Variants in EMCN observed in about 807,000 individuals in gnomAD.
The protein encoded by EMCN is MUC-14.
In EMCN, 37 loss-of-function variants were observed where a neutral mutation model predicts 38.4. The observed-to-expected ratio is 0.96, with a 90% CI of 0.74 to 1.27. The LOEUF is 1.27. EMCN is among the 50% of genes most tolerant of loss of function. EMCN has a pLI of 0.00. For synonymous variants in EMCN, 95 were observed against 100.8 expected (o/e 0.94, Z 0.35); for missense variants, 318 against 302.8 (o/e 1.05, Z -0.37).
intron 10 of EMCN, among the ~76,000 whole-genome samples, chr4:100,414,348 CTTTTTTTTTTT>C (rs5860622): frequency 1.2e-4 from 7 of 59,806 alleles, no homozygotes; most frequent in Non-Finnish European, 2.0e-4. Flanking sequence ...TGCTTGAGCA[CTTTTTTTTTTT>C]TTTTTTTTTT....
Position 100,500,734 on chromosome 4 carries a change from A to G in EMCN, c.64+17117T>C, listed in dbSNP as rs528781197. Among the ~76,000 whole-genome samples, 44 of 152,226 alleles carry G rather than the reference A, an allele frequency of 2.9e-4. No individual in the cohort carries two copies. In the South Asian group the frequency reaches 8.7e-3, roughly 30 times the overall value. ...TATAGCTATAGTCATTGTCACTGGTATATACAATACATTGAACAAATAAAG... is the reference window on the plus strand; with the variant it reads ...TATAGCTATAGTCATTGTCACTGGTGTATACAATACATTGAACAAATAAAG... On this transcript the variant is annotated intron_variant, in intron 1 of 11. Coordinates refer to ENST00000296420, the MANE Select transcript of EMCN (RefSeq NM_016242.4).
At chr4:100,477,357 CT>C (rs1728689108) in intron 2 of EMCN, among the ~76,000 whole-genome samples, 1 of 140,002 alleles carries the variant, frequency 7.1e-6, no homozygotes, top group Non-Finnish European at 1.6e-5. Flanking sequence ...TAACTCCAGC[CT>C]TTTGGCCTTG....
intron 1 of EMCN, among the ~76,000 whole-genome samples, chr4:100,503,333 G>A (rs961519174): frequency 4.6e-5 from 7 of 151,950 alleles, no homozygotes; most frequent in African/African-American, 1.7e-4. Flanking sequence ...TTTGGCATAA[G>A]GCTTTGGCAT....
intron 5 of EMCN, among the ~76,000 whole-genome samples, chr4:100,436,525 G>A (rs1727357365): frequency 6.6e-6 from 1 of 152,086 alleles, no homozygotes; most frequent in Non-Finnish European, 1.5e-5. Flanking sequence ...ATACCCAAAG[G>A]AATATAAACC....
chr4:100,454,384 G>C (rs1417730860), intron 4 of EMCN, among the ~76,000 whole-genome samples: 1 of 151,966 alleles, frequency 6.6e-6, no homozygotes, highest in African/African-American at 2.4e-5. Context: ...GCACCCCTCA[G>C]TGACAACCAA....
chr4:100,410,975 G>A (rs770410084), intron 10 of EMCN, among the ~76,000 whole-genome samples: 49 of 152,226 alleles, frequency 3.2e-4, no homozygotes, highest in South Asian at 8.3e-4. Flanking sequence ...AATATATTTC[G>A]CATTACTTGT....
intron 5 of EMCN, among the ~76,000 whole-genome samples, chr4:100,436,289 T>G (rs1473929968): frequency 1.3e-5 from 2 of 152,096 alleles, no homozygotes; most frequent in Non-Finnish European, 2.9e-5. Context: ...ATTAGAGAAA[T>G]GCAAATCAAA....
chr4:100,416,140 C>A (rs1376680516), intron 9 of EMCN, among the ~76,000 whole-genome samples, 181 bp from the exon 10 acceptor site: 1 of 151,452 alleles, frequency 6.6e-6, no homozygotes, highest in Non-Finnish European at 1.5e-5. Flanking sequence ...ATCTCCATGG[C>A]AAGAACTTTG....
intron 11 of EMCN, among the ~76,000 whole-genome samples, chr4:100,407,509 G>T (rs1483343165): frequency 6.6e-6 from 1 of 152,132 alleles, no homozygotes; most frequent in African/African-American, 2.4e-5. Context: ...GAAATTCTTT[G>T]TTGGAATTTC....
At chr4:100,513,731 A>G (rs2110313558) in intron 1 of EMCN, among the ~76,000 whole-genome samples, 1 of 152,264 alleles carries the variant, frequency 6.6e-6, no homozygotes, top group Non-Finnish European at 1.5e-5. Flanking sequence ...ACTTGTCCAT[A>G]ACTTTTTCAT....
chr4:100,459,442 CTT>C (rs1330093195), intron 4 of EMCN, among the ~76,000 whole-genome samples: 1 of 152,044 alleles, frequency 6.6e-6, no homozygotes, highest in Non-Finnish European at 1.5e-5. Flanking sequence ...AATCTACTCT[CTT>C]AGTGATTTTC....
intron 5 of EMCN, among the ~76,000 whole-genome samples, chr4:100,442,630 C>T (rs144465919): frequency 2.1e-4 from 32 of 151,984 alleles, no homozygotes; most frequent in African/African-American, 7.2e-4. Flanking sequence ...CAGATTTTAT[C>T]TTCTGATTGA....
At chr4:100,480,730 G>T in intron 1 of EMCN, among the ~76,000 whole-genome samples, 1 of 151,412 alleles carries the variant, frequency 6.6e-6, no homozygotes, top group Non-Finnish European at 1.5e-5. Flanking sequence ...ACATTAATTG[G>T]GCAGGCAAAG....
rs80231169 is a variant in EMCN at position 100,514,694 on chromosome 4, T to C, written c.64+3157A>G. Among the ~76,000 whole-genome samples the C allele has an allele frequency of 6.0e-3, 921 of 152,248 alleles. 12 individuals are homozygous for C. The highest frequency in any genetic ancestry group is 0.021 in the African/African-American group (880 of 41,574). ...CCAAATTGTGACCTCTTTATGTTTC[T>C]AGACTAGAATATACCAATGTTTCAA... On this transcript the variant is annotated intron_variant, in intron 1 of 11. Coordinates refer to ENST00000296420, the MANE Select transcript of EMCN (RefSeq NM_016242.4).
At chr4:100,488,605 C>T (rs374455636) in intron 1 of EMCN, among the ~76,000 whole-genome samples, 3 of 152,096 alleles carry the variant, frequency 2.0e-5, no homozygotes, top group African/African-American at 2.4e-5. Context: ...ATATTCAATA[C>T]GTTAGCTAAT....
chr4:100,466,703 C>G (rs1295273032), intron 3 of EMCN, among the ~76,000 whole-genome samples: 2 of 152,214 alleles, frequency 1.3e-5, no homozygotes, highest in East Asian at 1.9e-4. Flanking sequence ...CTTATTACAG[C>G]AAGAAAGCAG....
At chr4:100,457,693 TG>T (rs1728057121) in intron 4 of EMCN, among the ~76,000 whole-genome samples, 1 of 152,218 alleles carries the variant, frequency 6.6e-6, no homozygotes, top group Admixed American at 6.5e-5. Flanking sequence ...TTATTGAATT[TG>T]GCTTGCTAAT....
chr4:100,510,125 T>C (rs1166354739), intron 1 of EMCN, among the ~76,000 whole-genome samples: 1 of 152,198 alleles, frequency 6.6e-6, no homozygotes. Flanking sequence ...TCCACTAACA[T>C]ATTCAACCTC....
chr4:100,419,005 C>A (rs190629555), intron 8 of EMCN, among the ~76,000 whole-genome samples: 1 of 152,062 alleles, frequency 6.6e-6, no homozygotes, highest in South Asian at 2.1e-4. Context: ...TACATTTCCA[C>A]CCACAGCGTA....
Sources: gnomAD v4.1 joint callset for allele counts (sites outside exome capture counted in the v4.1 genomes callset) on GRCh38, gnomAD v4.1.1 for gene constraint, MANE v1.5 for transcripts, NCBI Gene and HGNC (gene_info 2026-07-23, HGNC 2026-07-21) for gene names.